The following FXYD5 variants were observed in gnomAD, a reference collection of about 807,000 sequenced individuals.
FXYD5 encodes FXYD domain containing ion transport regulator 5.
Under a neutral mutation model 25.7 loss-of-function variants are expected in FXYD5, and 21 were observed. That is an observed-to-expected ratio of 0.82 (90% CI 0.58 to 1.18). FXYD5 has a LOEUF of 1.18. Among genes scored for constraint, FXYD5 ranks in the 50% most tolerant of loss-of-function variants. The pLI is 0.00. For missense variants in FXYD5, 229 were observed against 227.7 expected, an observed-to-expected ratio of 1.01 and a Z score of -0.04; for synonymous variants, 101 against 90.7, an observed-to-expected ratio of 1.11 and a Z score of -0.64.
Position 35,166,297 on chromosome 19 carries a change from G to T in FXYD5, c.459G>T (p.Leu153=), listed in dbSNP as rs145467834. ...GGGGGCTGTTGGTCGCAGCTGTGCT[G>T]TTCATCACAGGCATCATCATCCTCA... ...RKRGLLVAAV[L]FITGIIILTS... is the part of the protein sequence containing the mutation. Residue 153 remains leucine (L), a synonymous_variant, in exon 8 of 9, where the codon CTG becomes CTT. Coordinates refer to ENST00000392219, the MANE Select transcript of FXYD5 (RefSeq NM_014164.6). 3 of 1,598,454 alleles carry T rather than the reference G, an allele frequency of 1.9e-6. No individual in the cohort carries two copies. Among genetic ancestry groups the T allele is most frequent in the Non-Finnish European group, 2.6e-6 (3 of 1,170,814 alleles).
rs2285515 is a variant in FXYD5 at position 35,169,547 on chromosome 19, T to C, written c.488-19T>C. Reference sequence around the variant, plus strand: ...AATATCACTCTAGCTCGTGACTGAATCATTTCCTTCACCCACAGGTGGCAA... The same window carrying C: ...AATATCACTCTAGCTCGTGACTGAACCATTTCCTTCACCCACAGGTGGCAA... On this transcript the variant is annotated intron_variant, in intron 8 of 8. Coordinates refer to ENST00000392219, the MANE Select transcript of FXYD5 (RefSeq NM_014164.6). The C allele has an allele frequency of 0.36, 569,847 of 1,571,758 alleles. 107,191 individuals carry two copies. Among genetic ancestry groups the C allele is most frequent in the Non-Finnish European group, 0.38 (438,323 of 1,141,308 alleles).
At position 35,158,355 on chromosome 19, in the gene FXYD5, A is replaced by G. The variant is rs1342682744; in HGVS notation, c.154A>G (p.Thr52Ala). The G allele has an allele frequency of 3.7e-6, 6 of 1,608,002 alleles. No homozygotes were observed. Among genetic ancestry groups the G allele is most frequent in the Non-Finnish European group, 3.4e-6 (4 of 1,174,578 alleles). ...VPTRAPDAVY[T>A]ELQPTSPTPT... ...TTTCTGGACTCCAGATGCAGTCTACACAGAACTCCAGCCCACCTCTCCAAC... is the reference window on the plus strand; with the variant it reads ...TTTCTGGACTCCAGATGCAGTCTACGCAGAACTCCAGCCCACCTCTCCAAC... The change falls in exon 4 of 9, where the codon ACA becomes GCA. Residue 52 changes from threonine (T) to alanine (A), a missense_variant. Transcript: ENST00000392219.
rs748252488 is a variant in FXYD5, at chr19:35,166,309, C to A, written c.471C>A (p.Gly157=). Residue 157 remains glycine, a synonymous_variant, in exon 8 of 9, where the codon GGC becomes GGA. Coordinates refer to ENST00000392219, the MANE Select transcript of FXYD5 (RefSeq NM_014164.6). The part of the protein sequence containing the change: ...LLVAAVLFIT[G]IIILTSGKCR... ...TCGCAGCTGTGCTGTTCATCACAGG[C>A]ATCATCATCCTCACCAGTGAGAACT... 6.3e-7 allele frequency: 1 copy of A among 1,586,840 alleles called. No homozygotes were observed. The highest frequency in any genetic ancestry group is 8.6e-7 in the Non-Finnish European group (1 of 1,162,868).
At chr19:35,159,008 G>T (rs2065381805) in intron 4 of FXYD5, among the ~76,000 whole-genome samples, 1 of 151,890 alleles carries the variant, frequency 6.6e-6, no homozygotes, top group African/African-American at 2.4e-5. Context: ...TGCTCCTGTA[G>T]TCCCAGCTAC....
In FXYD5 at chr19:35,157,250, C is replaced by T. The variant is rs543448632; in HGVS notation, c.62-171C>T. ...GGAGGGGGACTAGAAGAAGGGTTCC[C>T]AGGCATTGGCATAGCTGAAAACACT... On this transcript the variant is annotated intron_variant, in intron 2 of 8. Transcript: ENST00000392219. Among the ~76,000 whole-genome samples the T allele has an allele frequency of 1.6e-4, 25 of 152,230 alleles. No individual in the cohort carries two copies. The South Asian group carries it at 5.2e-3, about 32-fold the overall frequency.
chr19:35,163,749 T>C (rs1325794274), intron 5 of FXYD5, among the ~76,000 whole-genome samples: 1 of 152,146 alleles, frequency 6.6e-6, no homozygotes, highest in Non-Finnish European at 1.5e-5. Context: ...CCCAAAGTGC[T>C]GGGGTTTACA....
chr19:35,155,700 T>C, intron 2 of FXYD5, 89 bp downstream of exon 2: 1 of 954,476 alleles, frequency 1.0e-6, no homozygotes, highest in African/African-American at 1.6e-5. Context: ...TTGGCCCGTG[T>C]GAACGTTGTC....
In FXYD5 at chr19:35,164,296, G is replaced by A. The variant is rs1011777626; in HGVS notation, c.382+51G>A. 3 of 1,548,860 alleles carry A rather than the reference G, an allele frequency of 1.9e-6. No homozygotes were observed. In the African/African-American group the frequency reaches 4.1e-5, roughly 21 times the overall value. On this transcript the variant is annotated intron_variant, in intron 6 of 8. Coordinates refer to ENST00000392219, the MANE Select transcript of FXYD5 (RefSeq NM_014164.6). ...AAACAGGCTATTTTCTGTTCACTGTGTATTTCCAGCACCTGGAGTACAGCC... is the reference window on the plus strand; with the variant it reads ...AAACAGGCTATTTTCTGTTCACTGTATATTTCCAGCACCTGGAGTACAGCC...
At chr19:35,155,686 G>A (rs962004151) in intron 2 of FXYD5, 75 bp downstream of exon 2, 9 of 1,106,412 alleles carry the variant, frequency 8.1e-6, no homozygotes, top group Admixed American at 6.8e-5. Flanking sequence ...TGCGGGGTGG[G>A]TGGTTGGCCC....
intron 5 of FXYD5, among the ~76,000 whole-genome samples, chr19:35,162,840 G>A (rs1182468166): frequency 1.3e-5 from 2 of 152,226 alleles, no homozygotes; most frequent in Non-Finnish European, 2.9e-5. Context: ...GGAGGGCAAT[G>A]TCTTCCCACA....
chr19:35,164,924 G>T (rs1022885731), intron 6 of FXYD5, among the ~76,000 whole-genome samples: 1 of 152,232 alleles, frequency 6.6e-6, no homozygotes, highest in Admixed American at 6.5e-5. Context: ...AGTAGGGTTA[G>T]AGAGTGACTG....
intron 4 of FXYD5, chr19:35,159,772 G>A: frequency 8.6e-7 from 1 of 1,160,342 alleles, no homozygotes; most frequent in East Asian, 2.7e-5. Context: ...AGGAAACAGA[G>A]GCTGTGAGTA....
intron 8 of FXYD5, 61 bp from the exon 9 acceptor site, chr19:35,169,505 A>G: frequency 2.3e-6 from 3 of 1,282,476 alleles, no homozygotes; most frequent in Non-Finnish European, 3.4e-6. Context: ...CCAGCCCCAC[A>G]ACACACGATA....
At chr19:35,158,709 C>A (rs1376723426) in intron 4 of FXYD5, among the ~76,000 whole-genome samples, 2 of 152,192 alleles carry the variant, frequency 1.3e-5, no homozygotes, top group Non-Finnish European at 2.9e-5. Flanking sequence ...CAGAACTTTG[C>A]AAACACCCCC....
chr19:35,162,223 C>T (rs2065412558), intron 5 of FXYD5, among the ~76,000 whole-genome samples: 1 of 152,172 alleles, frequency 6.6e-6, no homozygotes, highest in Non-Finnish European at 1.5e-5. Context: ...CTCTGGGTTG[C>T]CTAGAGGCTG....
chr19:35,166,369 G>A (rs1182448511), intron 8 of FXYD5, 44 bp downstream of exon 8: 1 of 1,288,362 alleles, frequency 7.8e-7, no homozygotes, highest in Non-Finnish European at 1.1e-6. Context: ...GACCAGGAGG[G>A]GGACTTATGA....
Position 35,169,571 on chromosome 19 carries a change from A to G in FXYD5, c.493A>G (p.Lys165Glu). Reference protein sequence around the residue: ...ITGIIILTSGKCRQLSRLCRN... With the variant: ...ITGIIILTSGECRQLSRLCRN... ...ATCATTTCCTTCACCCACAGGTGGC[A>G]AGTGCAGGCAGCTGTCCCGGTTATG... Residue 165 changes from lysine to glutamate, a missense_variant, in exon 9 of 9, where the codon AAG (lysine) becomes GAG (glutamate). By Grantham distance (56) the Lys-to-Glu change is moderately conservative. Transcript: ENST00000392219. The G allele has an allele frequency of 6.2e-7, 1 of 1,608,662 alleles. No individual in the cohort carries two copies. The highest frequency in any genetic ancestry group is 8.5e-7 in the Non-Finnish European group (1 of 1,174,962).
chr19:35,165,885 G>A (rs2065445943), intron 6 of FXYD5, among the ~76,000 whole-genome samples: 1 of 152,154 alleles, frequency 6.6e-6, no homozygotes, highest in Admixed American at 6.5e-5. Context: ...GAAACAGCCA[G>A]TGCAAAGGCC....
chr19:35,155,180 A>G (rs1201091106), intron 1 of FXYD5: 1 of 263,080 alleles, frequency 3.8e-6, no homozygotes. Context: ...GAGGCCTCCT[A>G]TCTACTCCTC....
Sources: gnomAD v4.1 joint callset for allele counts (sites outside exome capture counted in the v4.1 genomes callset) on GRCh38, gnomAD v4.1.1 for gene constraint, MANE v1.5 for transcripts, NCBI Gene and HGNC (gene_info 2026-07-23, HGNC 2026-07-21) for gene names.